Variants in METTL25 observed in about 807,000 individuals in gnomAD.
METTL25 encodes the protein methyltransferase like 25.
Under a neutral mutation model 71.6 loss-of-function variants are expected in METTL25, and 64 were observed. The observed-to-expected ratio is 0.89, with a 90% confidence interval of 0.73 to 1.10. The LOEUF is 1.10. METTL25 is among the 50% of genes least tolerant of loss of function. The probability of loss-of-function intolerance (pLI) is 0.00; values close to 1 mark genes in which losing one functional copy is unlikely to be tolerated. For missense variants in METTL25, 807 were observed against 707.0 expected (o/e 1.14, Z -1.60); for synonymous variants, 287 against 250.3 (o/e 1.15, Z -1.38).
chr12:82,401,822 A>G (rs973639506), intron 4 of METTL25, among the ~76,000 whole-genome samples: 4 of 152,088 alleles, frequency 2.6e-5, no homozygotes, highest in Admixed American at 1.3e-4. Context: ...ACACTAAAAC[A>G]TGATCTTTAC....
rs1357756379 is a variant in METTL25 at position 82,372,896 on chromosome 12, A to G, written c.260-13907A>G. Among the ~76,000 whole-genome samples, 5 of 152,320 alleles carry G rather than the reference A, an allele frequency of 3.3e-5. No individual in the cohort carries two copies. The East Asian group carries it at 7.7e-4, about 23-fold the overall frequency. On this transcript the variant is annotated intron_variant, in intron 1 of 11. Coordinates refer to ENST00000248306, the MANE Select transcript of METTL25 (RefSeq NM_032230.3). The stretch of plus-strand genomic sequence containing the variant: ...AACACTTCTTGCCCAAGAACCTGCA[A>G]CGGTCCCTGGACCCTGCTGATCAGA...
At chr12:82,367,124 T>G (rs1288369093) in intron 1 of METTL25, among the ~76,000 whole-genome samples, 1 of 152,224 alleles carries the variant, frequency 6.6e-6, no homozygotes, top group Non-Finnish European at 1.5e-5. Context: ...TTTCCCCATA[T>G]CTTTCAATTA....
chr12:82,368,838 G>GAT (rs1461211191), intron 1 of METTL25, among the ~76,000 whole-genome samples: 2 of 152,182 alleles, frequency 1.3e-5, no homozygotes, highest in Non-Finnish European at 2.9e-5. Context: ...GGGTCACCTA[G>GAT]ATAATAAATG....
chr12:82,358,602 C>G lies in METTL25; in HGVS notation c.37C>G (p.Leu13Val), dbSNP rs780094088. The G allele has an allele frequency of 8.7e-6, 14 of 1,613,238 alleles. No homozygotes were observed. In the African/African-American group the frequency reaches 1.7e-4, roughly 20 times the overall value. The change falls in exon 1 of 12, where the codon CTG (leucine) becomes GTG (valine). Residue 13 changes from leucine to valine, a missense_variant. Leu to Val is a conservative substitution (Grantham distance 32, BLOSUM62 1). Transcript: ENST00000248306. ...ASCPLPVTPD[L>V]PTLRAKLQGL... is the part of the protein sequence containing the mutation. ...TTGCCCTCTCCCGGTGACCCCGGAC[C>G]TGCCCACGCTGCGTGCCAAGTTGCA... is the stretch of plus-strand genomic sequence containing the variant.
chr12:82,470,023 T>G (rs1892477466), intron 9 of METTL25, among the ~76,000 whole-genome samples: 1 of 152,192 alleles, frequency 6.6e-6, no homozygotes, highest in Non-Finnish European at 1.5e-5. Flanking sequence ...GCTTTAGAAT[T>G]GTATGTTCTC....
intron 1 of METTL25, among the ~76,000 whole-genome samples, chr12:82,373,735 A>G (rs547601074): frequency 4.6e-5 from 7 of 152,348 alleles, no homozygotes; most frequent in African/African-American, 1.7e-4. Flanking sequence ...CCCTTGGCTC[A>G]GCCCAGAAGT....
intron 3 of METTL25, among the ~76,000 whole-genome samples, chr12:82,398,435 C>T (rs1256885003): frequency 1.3e-5 from 2 of 151,846 alleles, no homozygotes; most frequent in Admixed American, 1.3e-4. Flanking sequence ...GTTGTTAATT[C>T]TATTGACTTT....
intron 3 of METTL25, among the ~76,000 whole-genome samples, chr12:82,390,693 T>C (rs1456650552): frequency 2.6e-5 from 4 of 152,060 alleles, no homozygotes; most frequent in Non-Finnish European, 5.9e-5. Context: ...GAGCCACTTG[T>C]GGCAACATGG....
chr12:82,371,604 C>G (rs1883238473), intron 1 of METTL25, among the ~76,000 whole-genome samples: 1 of 152,084 alleles, frequency 6.6e-6, no homozygotes, highest in Non-Finnish European at 1.5e-5. Context: ...CTCTTGTTCC[C>G]TATTATAGAA....
chr12:82,453,493 A>G (rs1171024090), intron 8 of METTL25, among the ~76,000 whole-genome samples: 1 of 152,164 alleles, frequency 6.6e-6, no homozygotes, highest in Non-Finnish European at 1.5e-5. Flanking sequence ...TGTCTACTTT[A>G]AAATCTTTAA....
intron 5 of METTL25, among the ~76,000 whole-genome samples, chr12:82,419,783 C>T (rs750943707): frequency 6.6e-5 from 10 of 151,180 alleles, no homozygotes; most frequent in Middle Eastern, 3.5e-3. Context: ...TTGGTGCAGT[C>T]GCTATGGAAA....
At chr12:82,423,555 G>A (rs1046500977) in intron 5 of METTL25, among the ~76,000 whole-genome samples, 76 of 152,228 alleles carry the variant, frequency 5.0e-4, no homozygotes, top group African/African-American at 9.9e-4. Flanking sequence ...ATCTAATTAA[G>A]CTAAAGAGCT....
rs969837784 is a variant in METTL25, at chr12:82,373,682, T to G, written c.260-13121T>G. On this transcript the variant is annotated intron_variant, in intron 1 of 11. Coordinates refer to ENST00000248306, the MANE Select transcript of METTL25 (RefSeq NM_032230.3). ...CTCATGGCTGCAAGGTCAACCAACT[T>G]GTTTGTGGGACCCTGGAGCTGATTG... 5.9e-5 allele frequency among the ~76,000 whole-genome samples: 9 copies of G among 152,292 alleles called. No individual in the cohort carries two copies. The East Asian group carries it at 1.6e-3, about 26-fold the overall frequency.
At chr12:82,435,871 A>G (rs1889878548) in intron 7 of METTL25, among the ~76,000 whole-genome samples, 1 of 151,454 alleles carries the variant, frequency 6.6e-6, no homozygotes, top group Non-Finnish European at 1.5e-5. Context: ...AGAGCTTACC[A>G]AAGTACTATT....
chr12:82,469,458 T>G (rs889598377), intron 9 of METTL25, among the ~76,000 whole-genome samples: 2 of 151,880 alleles, frequency 1.3e-5, no homozygotes, highest in African/African-American at 4.8e-5. Flanking sequence ...GAATGACAGG[T>G]GAGCAAAGAG....
intron 8 of METTL25, among the ~76,000 whole-genome samples, chr12:82,450,165 C>G (rs534755033): frequency 2.6e-5 from 4 of 152,180 alleles, no homozygotes; most frequent in South Asian, 2.1e-4. Context: ...TTTCAAACCT[C>G]TAATTGTTGA....
At chr12:82,462,187 C>G (rs1413865379) in intron 9 of METTL25, among the ~76,000 whole-genome samples, 1 of 152,166 alleles carries the variant, frequency 6.6e-6, no homozygotes, top group Non-Finnish European at 1.5e-5. Context: ...TGCTTCCATT[C>G]CAATGCCTTC....
Position 82,358,786 on chromosome 12 carries a change from C to G in METTL25, c.221C>G (p.Ser74Ter), listed in dbSNP as rs1212530591. 1 of 1,613,534 alleles carries G rather than the reference C, an allele frequency of 6.2e-7. No homozygotes were observed. Residue 74 changes from serine (S) to a stop codon, truncating the protein, a stop_gained, in exon 1 of 12, where the codon TCA (serine) becomes TGA (stop). Coordinates refer to ENST00000248306, the MANE Select transcript of METTL25 (RefSeq NM_032230.3). LOFTEE classifies it high-confidence loss of function. ...GCGTCGGAGACGGAGGCCCTGCCCT[C>G]AGAGACGCGCCCCCTAGTGGAAGCA... ...KSASETEALP[S>*]ETRPLVEAEW...
chr12:82,372,642 A>G (rs1448918784), intron 1 of METTL25, among the ~76,000 whole-genome samples: 1 of 152,184 alleles, frequency 6.6e-6, no homozygotes, highest in Non-Finnish European at 1.5e-5. Context: ...GCCAGGCCAT[A>G]GTGCAGAAAA....
Sources: gnomAD v4.1 joint callset for allele counts (sites outside exome capture counted in the v4.1 genomes callset) on GRCh38, gnomAD v4.1.1 for gene constraint, MANE v1.5 for transcripts, NCBI Gene and HGNC (gene_info 2026-07-23, HGNC 2026-07-21) for gene names.